The following RBMS3 variants were observed in gnomAD, a reference collection of about 807,000 sequenced individuals.
RBMS3 encodes RNA-binding motif, single-stranded-interacting protein 3.
Under a neutral mutation model 66.8 loss-of-function variants are expected in RBMS3, and 27 were observed. The ratio of observed to expected loss-of-function variants is 0.40; its 90% CI spans 0.30 to 0.56. RBMS3 has a LOEUF of 0.56. RBMS3 is among the 20% of genes least tolerant of loss of function. The pLI is 0.40. For synonymous variants in RBMS3, 188 were observed against 183.0 expected (o/e 1.03, Z -0.22); for missense variants, 513 against 549.5 (o/e 0.93, Z 0.66).
intron 12 of RBMS3, among the ~76,000 whole-genome samples, chr3:29,984,893 G>A (rs768006487): frequency 2.6e-5 from 4 of 152,138 alleles, no homozygotes; most frequent in Non-Finnish European, 5.9e-5. Context: ...GGACCCACTT[G>A]AGGGACCCAC....
intron 1 of RBMS3, among the ~76,000 whole-genome samples, chr3:29,320,153 C>T (rs2034919911): frequency 6.6e-6 from 1 of 151,978 alleles, no homozygotes; most frequent in East Asian, 1.9e-4. Context: ...TTATTTAGAT[C>T]ACCTTTGCAC....
chr3:29,674,737 CA>C (rs149403305), intron 4 of RBMS3, among the ~76,000 whole-genome samples: 1,991 of 100,824 alleles, frequency 0.02, 25 homozygotes, highest in African/African-American at 0.052. Flanking sequence ...ACCACTGCTC[CA>C]AAAAAAAAAA....
At chr3:29,468,435 A>G (rs2042611893) in intron 2 of RBMS3, among the ~76,000 whole-genome samples, 1 of 152,156 alleles carries the variant, frequency 6.6e-6, no homozygotes, top group Non-Finnish European at 1.5e-5. Flanking sequence ...ATCATGTGGC[A>G]TTAACCTAAT....
At chr3:29,998,671 T>G (rs1328442550) in intron 14 of RBMS3, among the ~76,000 whole-genome samples, 4 of 152,292 alleles carry the variant, frequency 2.6e-5, no homozygotes, top group South Asian at 2.1e-4. Context: ...GGGGAAAGGA[T>G]TCCCTATTGA....
At chr3:29,350,595 A>T (rs2036852831) in intron 1 of RBMS3, among the ~76,000 whole-genome samples, 1 of 152,152 alleles carries the variant, frequency 6.6e-6, no homozygotes, top group Non-Finnish European at 1.5e-5. Context: ...GAGAGAACTA[A>T]GCTCCCTCTC....
intron 2 of RBMS3, among the ~76,000 whole-genome samples, chr3:29,469,365 T>A (rs1406192702): frequency 6.6e-6 from 1 of 152,054 alleles, no homozygotes; most frequent in East Asian, 1.9e-4. Context: ...GTAAAACTTC[T>A]GCACATTTTT....
chr3:29,723,180 T>C (rs2053717460), intron 4 of RBMS3, among the ~76,000 whole-genome samples: 1 of 152,056 alleles, frequency 6.6e-6, no homozygotes, highest in African/African-American at 2.4e-5. Context: ...TTTCACCATG[T>C]TGGCTAGGCT....
At chr3:29,713,226 T>A (rs1576593516) in intron 4 of RBMS3, among the ~76,000 whole-genome samples, 1 of 152,178 alleles carries the variant, frequency 6.6e-6, no homozygotes, top group East Asian at 1.9e-4. Flanking sequence ...AATGATCACT[T>A]CCATACTTTC....
intron 4 of RBMS3, among the ~76,000 whole-genome samples, chr3:29,621,975 TC>T (rs2048883013): frequency 6.6e-6 from 1 of 152,154 alleles, no homozygotes; most frequent in Non-Finnish European, 1.5e-5. Context: ...ACTGGCAAGG[TC>T]CTAGGGATGA....
intron 3 of RBMS3, among the ~76,000 whole-genome samples, chr3:29,490,042 CAAA>C (rs1245001930): frequency 1.2e-4 from 6 of 50,004 alleles, no homozygotes; most frequent in African/African-American, 2.7e-4. Context: ...GACTCCCTCT[CAAA>C]AAAAAAAAAA....
At chr3:29,759,794 C>G (rs1267065375) in intron 5 of RBMS3, among the ~76,000 whole-genome samples, 3 of 152,054 alleles carry the variant, frequency 2.0e-5, no homozygotes, top group Non-Finnish European at 4.4e-5. Flanking sequence ...TGAGCCTTTT[C>G]CCCTTGGCAG....
At chr3:29,719,445 T>G (rs141312587) in intron 4 of RBMS3, among the ~76,000 whole-genome samples, 1 of 152,294 alleles carries the variant, frequency 6.6e-6, no homozygotes, top group East Asian at 1.9e-4. Context: ...CTGCTTTTTG[T>G]CTACTCAGTT....
intron 12 of RBMS3, among the ~76,000 whole-genome samples, chr3:29,974,388 CT>C (rs1697419102): frequency 6.6e-6 from 1 of 151,844 alleles, no homozygotes; most frequent in Admixed American, 6.6e-5. Context: ...TAAATTGCCC[CT>C]GTTCTTATCT....
chr3:29,912,775 A>G (rs1054420415), intron 10 of RBMS3, among the ~76,000 whole-genome samples: 10 of 152,008 alleles, frequency 6.6e-5, no homozygotes, highest in African/African-American at 7.2e-5. Context: ...AGTAAATCCA[A>G]TTGGCTGACA....
intron 1 of RBMS3, among the ~76,000 whole-genome samples, chr3:29,316,563 C>G (rs1417516977): frequency 6.6e-6 from 1 of 151,602 alleles, no homozygotes; most frequent in South Asian, 2.1e-4. Flanking sequence ...TCACTCTGCT[C>G]TATGTAACAT....
At chr3:29,889,733 C>A (rs534053825) in intron 8 of RBMS3, among the ~76,000 whole-genome samples, 2 of 151,700 alleles carry the variant, frequency 1.3e-5, no homozygotes, top group East Asian at 3.9e-4. Flanking sequence ...GAATATAACT[C>A]AATGAAGACA....
chr3:29,470,388 T>C (rs1009607458), intron 2 of RBMS3, among the ~76,000 whole-genome samples: 9 of 152,052 alleles, frequency 5.9e-5, no homozygotes, highest in Non-Finnish European at 1.0e-4. Flanking sequence ...TTCTTACATG[T>C]AGTGAATGAA....
chr3:29,853,207 A>C (rs1213928123), intron 6 of RBMS3, among the ~76,000 whole-genome samples: 2 of 152,096 alleles, frequency 1.3e-5, no homozygotes, highest in Non-Finnish European at 2.9e-5. Context: ...ACTAATGGCT[A>C]CTAGGCTTAA....
At chr3:29,331,815 CTTTTTTTTTTTTT>C (rs11354452) in intron 1 of RBMS3, among the ~76,000 whole-genome samples, 5 of 69,710 alleles carry the variant, frequency 7.2e-5, no homozygotes, top group Admixed American at 2.0e-4. Context: ...AGGATAGCTC[CTTTTTTTTTTTTT>C]TTTTTTTTTT....
Sources: allele counts gnomAD v4.1 joint callset (sites outside exome capture counted in the v4.1 genomes callset), GRCh38; gene constraint gnomAD v4.1.1; transcripts MANE v1.5; gene names NCBI Gene and HGNC (gene_info 2026-07-23, HGNC 2026-07-21).